CDC42BPA: variants seen among roughly 807,000 people sequenced by gnomAD.
The protein encoded by CDC42BPA is serine/threonine-protein kinase MRCK alpha.
CDC42BPA carries 80 observed loss-of-function variants against 223.5 expected under a neutral mutation model. The observed-to-expected ratio is 0.36, with a 90% CI of 0.30 to 0.43. CDC42BPA has a LOEUF of 0.43. Among genes scored for constraint, CDC42BPA ranks in the 20% least tolerant of loss-of-function variants. The pLI is 1.00. For missense variants in CDC42BPA, 1,743 were observed against 2,099.9 expected (o/e 0.83, Z 3.32); for synonymous variants, 694 against 718.6 (o/e 0.97, Z 0.55).
intron 6 of CDC42BPA, among the ~76,000 whole-genome samples, chr1:227,151,665 G>A (rs1661777362): frequency 6.6e-6 from 1 of 152,128 alleles, no homozygotes; most frequent in Non-Finnish European, 1.5e-5. Context: ...CAATCCTGCT[G>A]AGTGTGAGAT....
chr1:227,101,091 T>C lies in CDC42BPA; in HGVS notation c.2150A>G (p.Asn717Ser). The change falls in exon 15 of 37, where the codon AAT (asparagine) becomes AGT (serine). Residue 717 changes from asparagine (N) to serine (S), a missense_variant. By Grantham distance (46) the Asn-to-Ser change is conservative. This residue lies in a region of CDC42BPA where 464 missense variants were observed against 488.0 expected (regional missense o/e 0.95). Coordinates refer to ENST00000366766, the MANE Select transcript of CDC42BPA (RefSeq NM_001394014.1). ...TGAATCATGCAGTTCTTTCTTAAGA[T>C]TTTTTATTTCATTTGCATGTATTCC... ...REGIHANEIK[N>S]LKKELHDSEG... 6.4e-7 allele frequency: 1 copy of C among 1,570,782 alleles called. No individual in the cohort carries two copies. Among genetic ancestry groups the C allele is most frequent in the Non-Finnish European group, 8.8e-7 (1 of 1,141,246 alleles).
chr1:227,241,016 A>G (rs983620227), intron 2 of CDC42BPA, among the ~76,000 whole-genome samples: 5 of 152,132 alleles, frequency 3.3e-5, no homozygotes, highest in African/African-American at 7.2e-5. Context: ...ATAAAAATAC[A>G]AACATTTCAA....
chr1:226,999,064 T>C (rs1420912694), intron 35 of CDC42BPA, among the ~76,000 whole-genome samples: 2 of 151,978 alleles, frequency 1.3e-5, no homozygotes, highest in African/African-American at 4.8e-5. Flanking sequence ...CACTGGTCAT[T>C]AGAGAAATGC....
At chr1:227,264,922 C>T in intron 1 of CDC42BPA, 2 of 1,269,100 alleles carry the variant, frequency 1.6e-6, no homozygotes, top group Middle Eastern at 2.3e-4. Flanking sequence ...GCTCAATACC[C>T]CACTCGGTAT....
intron 34 of CDC42BPA, among the ~76,000 whole-genome samples, chr1:227,005,633 T>G (rs921255387): frequency 6.6e-6 from 1 of 152,192 alleles, no homozygotes; most frequent in Admixed American, 6.5e-5. Context: ...ATAGTAGTAC[T>G]GGGATTAGAA....
At chr1:227,268,375 CCA>C (rs1342855999) in intron 1 of CDC42BPA, among the ~76,000 whole-genome samples, 3 of 151,926 alleles carry the variant, frequency 2.0e-5, no homozygotes, top group African/African-American at 7.3e-5. Flanking sequence ...GGTTTCTTTT[CCA>C]ATACCAGACT....
At chr1:227,316,279 T>A (rs937671105) in intron 1 of CDC42BPA, among the ~76,000 whole-genome samples, 2 of 152,168 alleles carry the variant, frequency 1.3e-5, no homozygotes, top group Non-Finnish European at 2.9e-5. Context: ...TTTGCTCACA[T>A]CATTGATCTA....
At chr1:227,063,408 A>C (rs908143484) in intron 21 of CDC42BPA, among the ~76,000 whole-genome samples, 10 of 152,168 alleles carry the variant, frequency 6.6e-5, no homozygotes, top group African/African-American at 2.4e-4. Flanking sequence ...AATTTGGCTA[A>C]TAGTTTTTAA....
At chr1:227,014,476 C>T (rs1246006789) in intron 34 of CDC42BPA, among the ~76,000 whole-genome samples, 4 of 152,058 alleles carry the variant, frequency 2.6e-5, no homozygotes, top group Admixed American at 2.6e-4. Context: ...GCAGAGCCAA[C>T]TGATGAACTG....
intron 14 of CDC42BPA, among the ~76,000 whole-genome samples, chr1:227,107,820 A>C (rs1012206407): frequency 6.6e-6 from 1 of 152,046 alleles, no homozygotes; most frequent in Non-Finnish European, 1.5e-5. Flanking sequence ...ATACTGGGTT[A>C]TTTGTATCCT....
At chr1:227,136,675 A>G (rs1290910994) in intron 10 of CDC42BPA, among the ~76,000 whole-genome samples, 1 of 152,226 alleles carries the variant, frequency 6.6e-6, no homozygotes, top group South Asian at 2.1e-4. Context: ...TACATTCAAG[A>G]GCTTAAGATT....
chr1:227,297,942 G>A (rs1690933346), intron 1 of CDC42BPA, among the ~76,000 whole-genome samples: 1 of 64,560 alleles, frequency 1.5e-5, no homozygotes, highest in Non-Finnish European at 3.1e-5. Context: ...TTTGTTTTAT[G>A]TGTGTGTGTG....
intron 21 of CDC42BPA, among the ~76,000 whole-genome samples, chr1:227,058,360 C>T (rs943492828): frequency 2.0e-5 from 3 of 152,118 alleles, no homozygotes; most frequent in African/African-American, 7.2e-5. Flanking sequence ...GCAGGCCACC[C>T]CTACTGCTTC....
Position 227,040,089 on chromosome 1 carries a change from T to G in CDC42BPA, c.3199+42A>C, listed in dbSNP as rs368066368. The G allele has an allele frequency of 3.5e-6, 4 of 1,146,714 alleles. No homozygotes were observed. The African/African-American group carries it at 6.1e-5, about 17-fold the overall frequency. The allele number at this position is 1,146,714 out of a possible 1,614,324, so 71.0% of individuals were successfully genotyped here. On this transcript the variant is annotated intron_variant, in intron 24 of 36. Coordinates refer to ENST00000366766, the MANE Select transcript of CDC42BPA (RefSeq NM_001394014.1). ...AGAGAATCAACTTATTTGATTACAATTTAGATAGTGAAGTCACATTTTCTT... is the reference window on the plus strand; with the variant it reads ...AGAGAATCAACTTATTTGATTACAAGTTAGATAGTGAAGTCACATTTTCTT...
At chr1:227,116,321 A>G (rs1358493473) in intron 12 of CDC42BPA, among the ~76,000 whole-genome samples, 3 of 152,244 alleles carry the variant, frequency 2.0e-5, no homozygotes, top group African/African-American at 7.2e-5. Context: ...ATATAATCAT[A>G]TCAATAGAGC....
chr1:227,141,974 T>TAA (rs577135005), intron 9 of CDC42BPA, among the ~76,000 whole-genome samples: 4 of 150,602 alleles, frequency 2.7e-5, no homozygotes, highest in Non-Finnish European at 4.4e-5. Flanking sequence ...CCCCATCTCT[T>TAA]AAAAAAAAAG....
At chr1:227,250,704 A>G (rs1157532100) in intron 2 of CDC42BPA, among the ~76,000 whole-genome samples, 2 of 151,858 alleles carry the variant, frequency 1.3e-5, no homozygotes, top group Non-Finnish European at 2.9e-5. Flanking sequence ...CAAAAAATAT[A>G]TTTTCAGACA....
intron 1 of CDC42BPA, among the ~76,000 whole-genome samples, chr1:227,283,434 A>G (rs1430945464): frequency 6.6e-6 from 1 of 152,238 alleles, no homozygotes. Context: ...AAATTTTATC[A>G]TAATCATTTA....
Position 227,060,030 on chromosome 1 carries a change from G to GTTTTTTTTTTTTTTT in CDC42BPA, c.2905-8060_2905-8046dup, listed in dbSNP as rs66527313. Among the ~76,000 whole-genome samples the GTTTTTTTTTTTTTTT allele has an allele frequency of 3.4e-5, 4 of 117,670 alleles. 1 individual carries two copies. In the East Asian group the frequency reaches 1.0e-3, roughly 30 times the overall value. The allele number at this position is 117,670 out of a possible 152,430, so 77.2% of individuals were successfully genotyped here. A position where few individuals can be genotyped will look rare whatever the true frequency, so the allele number is the denominator to read the frequency against. The stretch of plus-strand genomic sequence containing the variant: ...CAATTATCTCAAAAAGTTTTTTTTT[G>GTTTTTTTTTTTTTTT]TTTTTTTTTTTTTTTTTTGAGACGG... On this transcript the variant is annotated intron_variant, in intron 21 of 36. Coordinates refer to ENST00000366766, the MANE Select transcript of CDC42BPA (RefSeq NM_001394014.1).
Sources: gnomAD v4.1 joint callset for allele counts (sites outside exome capture counted in the v4.1 genomes callset) on GRCh38, gnomAD v4.1.1 for gene constraint, gnomAD v4.1.1 regional missense constraint, MANE v1.5 for transcripts, NCBI Gene and HGNC (gene_info 2026-07-23, HGNC 2026-07-21) for gene names.